ZC3H12B: variants seen among roughly 807,000 people sequenced by gnomAD.
The protein encoded by ZC3H12B is probable ribonuclease ZC3H12B.
A neutral mutation model predicts 43.9 loss-of-function variants in ZC3H12B; 7 were observed. The observed-to-expected ratio is 0.16, with a 90% CI of 0.09 to 0.30. The LOEUF is 0.30. ZC3H12B is among the 10% of genes least tolerant of loss of function. The pLI is 1.00. For synonymous variants in ZC3H12B, 222 were observed against 241.7 expected (o/e 0.92, Z 0.76); for missense variants, 475 against 670.2 (o/e 0.71, Z 3.22).
chrX:65,373,275 AC>A, intron 2 of ZC3H12B, among the ~76,000 whole-genome samples: 1 of 112,129 alleles, frequency 8.9e-6, no homozygotes, highest in East Asian at 2.8e-4. Context: ...AAATAGGAAT[AC>A]TTTTATACTG....
chrX:65,260,038 A>G, the ZC3H12B span, among the ~76,000 whole-genome samples: 2 of 111,480 alleles, frequency 1.8e-5, no homozygotes, highest in African/African-American at 6.5e-5. Flanking sequence ...GCAAAGGCAT[A>G]AGAATGATAC....
upstream of ZC3H12B, chrX:65,366,508 T>G (rs2066177442): frequency 8.9e-6 from 1 of 112,638 alleles, no homozygotes; most frequent in South Asian, 3.7e-4. Flanking sequence ...GATTAATTTC[T>G]GAAAAGCTAG....
At chrX:65,107,380 G>A in the ZC3H12B span, among the ~76,000 whole-genome samples, 2 of 111,089 alleles carry the variant, frequency 1.8e-5, no homozygotes, top group African/African-American at 6.5e-5. Flanking sequence ...AGAGGCTACC[G>A]AAAAAAGGGG....
At chrX:65,062,416 A>G in the ZC3H12B span, among the ~76,000 whole-genome samples, 2 of 112,151 alleles carry the variant, frequency 1.8e-5, no homozygotes, top group African/African-American at 3.2e-5. Flanking sequence ...TTAAATAGGG[A>G]ATCTTTTCCC....
chrX:65,129,561 T>C, the ZC3H12B span, among the ~76,000 whole-genome samples: 1 of 110,528 alleles, frequency 9.0e-6, no homozygotes, highest in Non-Finnish European at 1.9e-5. Flanking sequence ...CAAGGTAATG[T>C]CGTCAGTTAA....
chrX:65,365,713 C>T (rs57546246), upstream of ZC3H12B, among the ~76,000 whole-genome samples: 9,149 of 111,002 alleles, frequency 0.082, 1,024 homozygotes, highest in African/African-American at 0.29. Context: ...GTGACTTGCA[C>T]GTATACATCC....
intron 3 of ZC3H12B, among the ~76,000 whole-genome samples, chrX:65,466,225 G>C (rs1225128747): frequency 9.0e-6 from 1 of 110,511 alleles, no homozygotes; most frequent in Non-Finnish European, 1.9e-5. Flanking sequence ...GACATTTTTA[G>C]ATTCTACATA....
the ZC3H12B span, among the ~76,000 whole-genome samples, chrX:65,240,984 G>A: frequency 9.0e-6 from 1 of 111,585 alleles, no homozygotes; most frequent in Admixed American, 9.5e-5. Flanking sequence ...CCTGTAGGAG[G>A]TGTCTGGAGA....
chrX:65,084,882 T>A, the ZC3H12B span, among the ~76,000 whole-genome samples: 26 of 112,635 alleles, frequency 2.3e-4, no homozygotes, highest in Admixed American at 1.9e-3. Flanking sequence ...GATGAAGGGA[T>A]AAAGAAAACA....
At chrX:65,052,880 ATTTACTTT>A in the ZC3H12B span, among the ~76,000 whole-genome samples, 1 of 111,549 alleles carries the variant, frequency 9.0e-6, no homozygotes, top group Non-Finnish European at 1.9e-5. Flanking sequence ...GTAGTTGTCA[ATTTACTTT>A]TTTACCATCA....
the ZC3H12B span, among the ~76,000 whole-genome samples, chrX:65,090,955 T>C: frequency 3.6e-5 from 4 of 111,414 alleles, no homozygotes; most frequent in Non-Finnish European, 7.5e-5. Flanking sequence ...TTGCTCCTGA[T>C]TTTGCCATGT....
the ZC3H12B span, among the ~76,000 whole-genome samples, chrX:65,132,586 T>G: frequency 9.0e-6 from 1 of 110,544 alleles, no homozygotes; most frequent in East Asian, 2.9e-4. Flanking sequence ...CTAGGAATAG[T>G]CAGGGAAGCA....
chrX:65,228,224 T>A, the ZC3H12B span, among the ~76,000 whole-genome samples: 3 of 111,943 alleles, frequency 2.7e-5, no homozygotes, highest in Non-Finnish European at 5.6e-5. Flanking sequence ...CAAGGCTGGT[T>A]CAATATACAC....
the ZC3H12B span, among the ~76,000 whole-genome samples, chrX:65,158,373 G>A: frequency 9.0e-6 from 1 of 111,405 alleles, no homozygotes; most frequent in African/African-American, 3.3e-5. Context: ...GGTTGAACTA[G>A]TTTACAGTCC....
the ZC3H12B span, among the ~76,000 whole-genome samples, chrX:65,233,804 C>G: frequency 9.1e-6 from 1 of 109,977 alleles, no homozygotes; most frequent in Admixed American, 9.7e-5. Flanking sequence ...CTTGTTTTCT[C>G]AAAAGATAAA....
the ZC3H12B span, among the ~76,000 whole-genome samples, chrX:65,359,373 C>A: frequency 1.8e-5 from 2 of 111,757 alleles, no homozygotes; most frequent in Non-Finnish European, 3.8e-5. Context: ...GATAATGATT[C>A]ATCTGATGAA....
chrX:65,079,077 C>G, the ZC3H12B span, among the ~76,000 whole-genome samples: 2 of 111,812 alleles, frequency 1.8e-5, no homozygotes, highest in Non-Finnish European at 3.8e-5. Context: ...TCTACAAGTT[C>G]GATTGTTTTG....
the ZC3H12B span, among the ~76,000 whole-genome samples, chrX:65,290,885 G>A: frequency 9.0e-6 from 1 of 110,725 alleles, no homozygotes; most frequent in Non-Finnish European, 1.9e-5. Context: ...ATGAAGAGAA[G>A]TGTGTTAAAG....
At chrX:65,426,946 G>A (rs1253698508) in intron 3 of ZC3H12B, among the ~76,000 whole-genome samples, 1 of 111,566 alleles carries the variant, frequency 9.0e-6, no homozygotes, top group East Asian at 2.8e-4. Context: ...GTTGCTTTTG[G>A]GTGGAGAGTT....
Sources: allele counts gnomAD v4.1 joint callset (sites outside exome capture counted in the v4.1 genomes callset), GRCh38; gene constraint gnomAD v4.1.1; transcripts MANE v1.5; gene names NCBI Gene and HGNC (gene_info 2026-07-23, HGNC 2026-07-21).